CD8B2: variants seen among roughly 807,000 people sequenced by gnomAD.
CD8B2 encodes CD8B family member 2, also known as T-cell surface glycoprotein CD8 beta-2 chain.
Under a neutral mutation model 23.7 loss-of-function variants are expected in CD8B2, and 11 were observed. That is an observed-to-expected ratio of 0.46 (90% CI 0.29 to 0.77). CD8B2 has a LOEUF of 0.77. Among genes scored for constraint, CD8B2 ranks in the 30% least tolerant of loss-of-function variants. CD8B2 has a pLI of 0.09. For synonymous variants in CD8B2, 90 were observed against 109.3 expected, an observed-to-expected ratio of 0.82 and a Z score of 1.10; for missense variants, 197 against 270.5, an observed-to-expected ratio of 0.73 and a Z score of 1.91.
At chr2:106,515,550 A>G (rs559931091), downstream of CD8B2, among the ~76,000 whole-genome samples, 1 of 152,334 alleles carries the variant, frequency 6.6e-6, no homozygotes, top group African/African-American at 2.4e-5. Context: ...AGAAGGTGCC[A>G]TCTATGAAGT....
At chr2:106,503,401 C>G (rs1256949657) in intron 4 of CD8B2, among the ~76,000 whole-genome samples, 1 of 152,040 alleles carries the variant, frequency 6.6e-6, no homozygotes, top group Non-Finnish European at 1.5e-5. Context: ...CAGGAGCATA[C>G]TTTTGCCTAC....
chr2:106,520,755 A>G (rs1227787290), intron 5 of CD8B2, among the ~76,000 whole-genome samples: 1 of 152,146 alleles, frequency 6.6e-6, no homozygotes, highest in Non-Finnish European at 1.5e-5. Flanking sequence ...CTGTAATCCC[A>G]GCTACTCGGG....
chr2:106,487,678 C>A (rs975012167), intron 1 of CD8B2, among the ~76,000 whole-genome samples: 5 of 152,100 alleles, frequency 3.3e-5, no homozygotes, highest in African/African-American at 1.2e-4. Context: ...ACCGGAGAGC[C>A]CCTGACTGAG....
intron 4 of CD8B2, among the ~76,000 whole-genome samples, chr2:106,503,274 G>A (rs1320744284): frequency 3.3e-5 from 5 of 152,168 alleles, no homozygotes; most frequent in African/African-American, 1.2e-4. Context: ...CATCTATAAA[G>A]TGGGCAGGTG....
chr2:106,503,711 ATC>A (rs757965680), intron 4 of CD8B2, among the ~76,000 whole-genome samples: 145,219 of 151,496 alleles, frequency 0.96, 69,916 homozygotes, highest in East Asian at 1. Context: ...AGGAGGGAGG[ATC>A]ACTTGAGCCC....
intron 3 of CD8B2, among the ~76,000 whole-genome samples, chr2:106,498,853 T>A (rs1253378398): frequency 4.6e-5 from 7 of 151,966 alleles, no homozygotes; most frequent in South Asian, 2.1e-4. Context: ...ACCCATGGGG[T>A]CACTGAGAAG....
At chr2:106,497,427 G>C (rs1679320549) in intron 3 of CD8B2, among the ~76,000 whole-genome samples, 2 of 152,084 alleles carry the variant, frequency 1.3e-5, no homozygotes, top group Admixed American at 1.3e-4. Flanking sequence ...CACACACACA[G>C]ACACACATGC....
intron 5 of CD8B2, among the ~76,000 whole-genome samples, chr2:106,524,841 C>G (rs1679885736): frequency 6.6e-6 from 1 of 152,104 alleles, no homozygotes; most frequent in African/African-American, 2.4e-5. Flanking sequence ...CCCTGGAAAA[C>G]TGGGTGCCTC....
intron 5 of CD8B2, among the ~76,000 whole-genome samples, chr2:106,527,417 C>T (rs1431170395): frequency 1.3e-5 from 2 of 152,220 alleles, no homozygotes; most frequent in Non-Finnish European, 2.9e-5. Flanking sequence ...CTGAAGAATG[C>T]CTTTTAAGCA....
At chr2:106,526,575 C>T (rs958736171) in intron 5 of CD8B2, among the ~76,000 whole-genome samples, 7 of 152,306 alleles carry the variant, frequency 4.6e-5, no homozygotes, top group South Asian at 2.1e-4. Flanking sequence ...GTTGTATACA[C>T]GTTGTAGCAC....
chr2:106,498,543 G>A (rs1279126111), intron 3 of CD8B2, among the ~76,000 whole-genome samples: 1 of 152,222 alleles, frequency 6.6e-6, no homozygotes, highest in Non-Finnish European at 1.5e-5. Flanking sequence ...GGATGTGTGT[G>A]AAGGTGACCT....
chr2:106,536,197 G>T (rs1187782313), intron 5 of CD8B2, among the ~76,000 whole-genome samples: 2 of 152,046 alleles, frequency 1.3e-5, no homozygotes, highest in East Asian at 3.9e-4. Flanking sequence ...ACTGTGCCTG[G>T]CTAATTTTGT....
At chr2:106,502,387 T>C (rs927583971) in intron 3 of CD8B2, 87 bp from the exon 4 acceptor site, 9 of 714,078 alleles carry the variant, frequency 1.3e-5, no homozygotes, top group African/African-American at 5.5e-5. Context: ...GGGCTTCCAG[T>C]TGAATTTTTC....
At chr2:106,532,955 G>C (rs1340898313) in intron 5 of CD8B2, among the ~76,000 whole-genome samples, 1 of 152,142 alleles carries the variant, frequency 6.6e-6, no homozygotes, top group East Asian at 1.9e-4. Flanking sequence ...TCAAGATGGA[G>C]TTGTTCTGGT....
intron 5 of CD8B2, among the ~76,000 whole-genome samples, chr2:106,505,949 T>C (rs1679497023): frequency 6.6e-6 from 1 of 152,116 alleles, no homozygotes; most frequent in Non-Finnish European, 1.5e-5. Flanking sequence ...CTGGCCAACA[T>C]GGTGAAACCC....
At chr2:106,523,395 G>T (rs554764454) in intron 5 of CD8B2, among the ~76,000 whole-genome samples, 1 of 152,182 alleles carries the variant, frequency 6.6e-6, no homozygotes, top group African/African-American at 2.4e-5. Flanking sequence ...TAGCAGGGGG[G>T]GTCAACTACT....
chr2:106,505,994 G>A (rs551866487), intron 5 of CD8B2, among the ~76,000 whole-genome samples: 3 of 152,136 alleles, frequency 2.0e-5, no homozygotes, highest in South Asian at 4.2e-4. Context: ...TTAACTGGGC[G>A]TGGTGGCGGG....
At chr2:106,500,923 A>T (rs908205525) in intron 3 of CD8B2, among the ~76,000 whole-genome samples, 2 of 152,168 alleles carry the variant, frequency 1.3e-5, no homozygotes, top group Non-Finnish European at 2.9e-5. Context: ...GCCAAAGCTT[A>T]TAAGAAATTA....
At chr2:106,503,267 CTAT>C (rs1679447970) in intron 4 of CD8B2, among the ~76,000 whole-genome samples, 1 of 152,206 alleles carries the variant, frequency 6.6e-6, no homozygotes, top group Non-Finnish European at 1.5e-5. Flanking sequence ...CTCTGCGCAT[CTAT>C]AAAGTGGGCA....
Sources: allele counts gnomAD v4.1 joint callset (sites outside exome capture counted in the v4.1 genomes callset), GRCh38; gene constraint gnomAD v4.1.1; transcripts MANE v1.5; gene names NCBI Gene and HGNC (gene_info 2026-07-23, HGNC 2026-07-21).